MPPED2: variants seen among roughly 807,000 people sequenced by gnomAD.
MPPED2 encodes metallophosphoesterase domain containing 2.
In MPPED2, 5 loss-of-function variants were observed where a neutral mutation model predicts 33.0. The ratio of observed to expected loss-of-function variants is 0.15; its 90% CI spans 0.08 to 0.32. The LOEUF is 0.32. Among genes scored for constraint, MPPED2 ranks in the 10% least tolerant of loss-of-function variants. MPPED2 has a pLI of 1.00. For synonymous variants in MPPED2, 136 were observed against 141.9 expected (o/e 0.96, Z 0.29); for missense variants, 275 against 372.1 (o/e 0.74, Z 2.15).
intron 2 of MPPED2, among the ~76,000 whole-genome samples, chr11:30,537,877 T>C (rs544107815): frequency 6.6e-6 from 1 of 152,312 alleles, no homozygotes; most frequent in Admixed American, 6.5e-5. Context: ...TTATAGCCGA[T>C]GTTGCTTTTT....
intron 2 of MPPED2, among the ~76,000 whole-genome samples, chr11:30,560,136 T>C (rs547393975): frequency 6.6e-6 from 1 of 152,170 alleles, no homozygotes; most frequent in Non-Finnish European, 1.5e-5. Flanking sequence ...TCACCAAAAT[T>C]ACTGACTTTT....
At chr11:30,537,843 T>C (rs1038523797) in intron 2 of MPPED2, among the ~76,000 whole-genome samples, 22 of 152,156 alleles carry the variant, frequency 1.4e-4, no homozygotes, top group African/African-American at 5.3e-4. Flanking sequence ...TGTGATCTCA[T>C]TAGTAACCTG....
At chr11:30,561,249 T>C (rs1461245454) in intron 2 of MPPED2, among the ~76,000 whole-genome samples, 1 of 152,204 alleles carries the variant, frequency 6.6e-6, no homozygotes, top group Non-Finnish European at 1.5e-5. Context: ...CTGCACAATG[T>C]GTATTTTATG....
At chr11:30,465,919 G>A (rs1383694832) in intron 4 of MPPED2, among the ~76,000 whole-genome samples, 2 of 152,186 alleles carry the variant, frequency 1.3e-5, no homozygotes, top group Non-Finnish European at 2.9e-5. Flanking sequence ...AGGGATGACT[G>A]TATAGGGCTT....
intron 4 of MPPED2, among the ~76,000 whole-genome samples, chr11:30,459,355 T>A (rs1258250539): frequency 6.6e-6 from 1 of 152,166 alleles, no homozygotes; most frequent in Non-Finnish European, 1.5e-5. Flanking sequence ...AAGTGAGACT[T>A]TGCTGCGACC....
At chr11:30,556,516 T>G (rs1018502539) in intron 2 of MPPED2, among the ~76,000 whole-genome samples, 40 of 152,226 alleles carry the variant, frequency 2.6e-4, no homozygotes, top group Admixed American at 2.3e-3. Context: ...GAAAAGAAAA[T>G]AAAATAGTCA....
intron 4 of MPPED2, among the ~76,000 whole-genome samples, chr11:30,475,802 G>C (rs1442800042): frequency 6.6e-6 from 1 of 152,124 alleles, no homozygotes; most frequent in African/African-American, 2.4e-5. Flanking sequence ...TACAGTAGAT[G>C]TGGGTTGACT....
At chr11:30,479,037 C>G (rs1245511975) in intron 4 of MPPED2, among the ~76,000 whole-genome samples, 4 of 152,042 alleles carry the variant, frequency 2.6e-5, no homozygotes, top group Non-Finnish European at 5.9e-5. Context: ...AAAAGCTTAT[C>G]CACATGTCAA....
At chr11:30,456,356 G>T (rs75019039) in intron 4 of MPPED2, among the ~76,000 whole-genome samples, 2,314 of 152,262 alleles carry the variant, frequency 0.015, 62 homozygotes, top group African/African-American at 0.053. Flanking sequence ...CAGTTGAGGG[G>T]AATAAACACA....
chr11:30,550,388 G>T (rs1318467493), intron 2 of MPPED2, among the ~76,000 whole-genome samples: 1 of 152,102 alleles, frequency 6.6e-6, no homozygotes, highest in Non-Finnish European at 1.5e-5. Flanking sequence ...TTCTTTGTTT[G>T]CCCTGACTCT....
chr11:30,502,412 TCTC>T (rs1342394642), intron 3 of MPPED2, among the ~76,000 whole-genome samples: 1 of 152,162 alleles, frequency 6.6e-6, no homozygotes, highest in Non-Finnish European at 1.5e-5. Context: ...ATCACAGACT[TCTC>T]CTGTATGGGA....
chr11:30,528,935 A>T (rs1227261100), intron 3 of MPPED2, among the ~76,000 whole-genome samples: 1 of 152,216 alleles, frequency 6.6e-6, no homozygotes, highest in Non-Finnish European at 1.5e-5. Context: ...TGAAGAAACA[A>T]TTCTACTTCT....
At chr11:30,397,164 T>C (rs748783028) in intron 6 of MPPED2, among the ~76,000 whole-genome samples, 3 of 152,142 alleles carry the variant, frequency 2.0e-5, no homozygotes, top group Non-Finnish European at 4.4e-5. Flanking sequence ...TTAAGAGAAG[T>C]ATAGAAGTTA....
chr11:30,585,820 C>G (rs1044937723), intron 1 of MPPED2, among the ~76,000 whole-genome samples: 1 of 152,200 alleles, frequency 6.6e-6, no homozygotes, highest in African/African-American at 2.4e-5. Flanking sequence ...CCCCGAGCGC[C>G]GAATTGCCCG....
At chr11:30,388,810 T>A (rs1590146120) in exon 7 of MPPED2, 2 of 1,425,714 alleles carry the variant, frequency 1.4e-6, no homozygotes, top group East Asian at 5.2e-5. Flanking sequence ...TAGTTCTTGA[T>A]TCATGCCAGG....
At chr11:30,435,237 C>G (rs1354026767) in intron 4 of MPPED2, among the ~76,000 whole-genome samples, 2 of 152,192 alleles carry the variant, frequency 1.3e-5, no homozygotes, top group African/African-American at 4.8e-5. Flanking sequence ...TGCATGGTAT[C>G]CCATTCTCCC....
intron 2 of MPPED2, among the ~76,000 whole-genome samples, chr11:30,537,268 A>G (rs546801520): frequency 4.8e-4 from 73 of 152,312 alleles, no homozygotes; most frequent in Middle Eastern, 3.4e-3. Flanking sequence ...TTCGGATTAT[A>G]GGTGAAAAGA....
intron 3 of MPPED2, among the ~76,000 whole-genome samples, chr11:30,518,463 G>T (rs1043064140): frequency 6.6e-6 from 1 of 152,136 alleles, no homozygotes; most frequent in African/African-American, 2.4e-5. Flanking sequence ...CAATAAATAT[G>T]CCAAAATGAA....
intron 4 of MPPED2, among the ~76,000 whole-genome samples, chr11:30,489,112 G>A (rs1951865853): frequency 6.7e-6 from 1 of 148,900 alleles, no homozygotes; most frequent in African/African-American, 2.5e-5. Flanking sequence ...AAATAAATGA[G>A]CCCATTCCAC....
Sources: gnomAD v4.1 joint callset for allele counts (sites outside exome capture counted in the v4.1 genomes callset) on GRCh38, gnomAD v4.1.1 for gene constraint, MANE v1.5 for transcripts, NCBI Gene and HGNC (gene_info 2026-07-23, HGNC 2026-07-21) for gene names.